The following DPP6 variants were observed in gnomAD, a reference collection of about 807,000 sequenced individuals.
DPP6 encodes dipeptidyl peptidase like 6, also known as A-type potassium channel modulatory protein DPP6.
In DPP6, 69 loss-of-function variants were observed where a neutral mutation model predicts 122.6. The ratio of observed to expected loss-of-function variants is 0.56; its 90% CI spans 0.46 to 0.69. DPP6 has a LOEUF of 0.69. DPP6 is among the 30% of genes least tolerant of loss of function. The pLI is 0.00. For synonymous variants in DPP6, 418 were observed against 433.1 expected (o/e 0.97, Z 0.43); for missense variants, 928 against 1,116.9 (o/e 0.83, Z 2.41).
chr7:154,679,264 G>A (rs58383300), intron 7 of DPP6, among the ~76,000 whole-genome samples: 1 of 152,098 alleles, frequency 6.6e-6, no homozygotes, highest in Non-Finnish European at 1.5e-5. Flanking sequence ...TCCTGAAGTC[G>A]TCAGCCCCTT....
intron 1 of DPP6, among the ~76,000 whole-genome samples, chr7:154,167,054 A>G (rs1295895899): frequency 5.4e-5 from 8 of 148,840 alleles, no homozygotes; most frequent in South Asian, 4.2e-4. Flanking sequence ...GGTGGGGGAA[A>G]TCTTTCCATG....
chr7:154,840,805 G>T (rs1177825228), intron 16 of DPP6, among the ~76,000 whole-genome samples: 1 of 152,112 alleles, frequency 6.6e-6, no homozygotes, highest in African/African-American at 2.4e-5. Flanking sequence ...GGTAGCTGGC[G>T]ATTTAGAGGC....
chr7:153,870,977 C>T, the DPP6 span, among the ~76,000 whole-genome samples: 1 of 152,192 alleles, frequency 6.6e-6, no homozygotes, highest in Non-Finnish European at 1.5e-5. Flanking sequence ...TATTGGTGAA[C>T]CTCAAATGCT....
At chr7:153,767,781 T>C in the DPP6 span, among the ~76,000 whole-genome samples, 2 of 152,210 alleles carry the variant, frequency 1.3e-5, no homozygotes, top group African/African-American at 4.8e-5. Flanking sequence ...CATTTTTAAA[T>C]GTGCATCATT....
chr7:154,102,993 A>G lies in DPP6; in HGVS notation c.243+49930A>G, dbSNP rs568682135. ...GGTAATACCCCCATTCTGAATCACA[A>G]AGGCCAGCCCCATGGGGTCAGAGGG... is the stretch of plus-strand genomic sequence containing the variant. On this transcript the variant is annotated intron_variant, in intron 1 of 25. Coordinates refer to ENST00000377770, the MANE Select transcript of DPP6 (RefSeq NM_130797.4). Among the ~76,000 whole-genome samples the G allele has an allele frequency of 1.2e-3, 176 of 150,946 alleles. 3 individuals carry two copies. The highest frequency in any genetic ancestry group is 2.9e-3 in the South Asian group (14 of 4,812).
At chr7:154,773,059 AG>A in intron 10 of DPP6, 117 bp downstream of exon 10, 1 of 1,307,586 alleles carries the variant, frequency 7.6e-7, no homozygotes. Flanking sequence ...TCCAAGAAAA[AG>A]GTACCTTTCC....
Position 154,868,075 on chromosome 7 carries a change from A to G in DPP6, c.1795A>G (p.Ile599Val). The G allele has an allele frequency of 1.9e-6, 3 of 1,606,926 alleles. No individual in the cohort carries two copies. The highest frequency in any genetic ancestry group is 1.7e-6 in the Non-Finnish European group (2 of 1,176,712). The part of the protein sequence containing the change: ...RQMPKVEYRD[I>V]EIDDYNLPMQ... ...GATGCCTAAAGTGGAATACAGGGAC[A>G]TTGAGATTGATGATTACAGTAAGTA... Residue 599 changes from isoleucine (I) to valine (V), a missense_variant, in exon 18 of 26, where the codon ATT becomes GTT. Physicochemically the swap from Ile to Val is conservative, Grantham distance 29 (BLOSUM62 3). Coordinates refer to ENST00000377770, the MANE Select transcript of DPP6 (RefSeq NM_130797.4).
the DPP6 span, among the ~76,000 whole-genome samples, chr7:153,757,149 T>G: frequency 0.024 from 3,552 of 148,860 alleles, no homozygotes; most frequent in African/African-American, 0.037. Context: ...TGTAATTTCT[T>G]GTGCATGCCC....
intron 1 of DPP6, among the ~76,000 whole-genome samples, chr7:154,323,976 C>G (rs912299231): frequency 2.0e-5 from 3 of 152,158 alleles, no homozygotes; most frequent in Non-Finnish European, 4.4e-5. Context: ...TTGTAAAATA[C>G]ACATATACGC....
At chr7:154,548,642 G>A (rs553802723) in intron 4 of DPP6, among the ~76,000 whole-genome samples, 10 of 152,108 alleles carry the variant, frequency 6.6e-5, no homozygotes, top group African/African-American at 2.2e-4. Flanking sequence ...TCCATCACAC[G>A]TATACTCTTC....
intron 16 of DPP6, among the ~76,000 whole-genome samples, chr7:154,842,695 A>G (rs1335333196): frequency 6.6e-6 from 1 of 152,234 alleles, no homozygotes; most frequent in African/African-American, 2.4e-5. Flanking sequence ...TCCAGGAACA[A>G]TATAAATTTT....
At chr7:154,841,403 C>A (rs184029573) in intron 16 of DPP6, among the ~76,000 whole-genome samples, 8 of 151,294 alleles carry the variant, frequency 5.3e-5, no homozygotes, top group Non-Finnish European at 1.0e-4. Context: ...AACTGAAATA[C>A]TAAGTTCCTT....
intron 16 of DPP6, among the ~76,000 whole-genome samples, chr7:154,813,909 T>G: frequency 6.8e-6 from 1 of 146,066 alleles, no homozygotes; most frequent in Admixed American, 7.1e-5. Context: ...AGATGGAGTT[T>G]TGTTCTTGTC....
intron 21 of DPP6, 163 bp downstream of exon 21, chr7:154,881,105 G>A: frequency 3.4e-6 from 4 of 1,179,142 alleles, no homozygotes; most frequent in Non-Finnish European, 4.5e-6. Flanking sequence ...AGCCGTGGGA[G>A]GTTTCATTTG....
intron 1 of DPP6, among the ~76,000 whole-genome samples, chr7:154,181,915 A>AT (rs1798108958): frequency 6.6e-6 from 1 of 151,956 alleles, no homozygotes; most frequent in East Asian, 2.0e-4. Flanking sequence ...CACCCAGCTA[A>AT]TTTTTTTATT....
chr7:154,132,130 T>G (rs1429352773), intron 1 of DPP6, among the ~76,000 whole-genome samples: 1 of 152,108 alleles, frequency 6.6e-6, no homozygotes, highest in African/African-American at 2.4e-5. Context: ...TTCTACCTGG[T>G]CACAATTTGT....
intron 5 of DPP6, among the ~76,000 whole-genome samples, chr7:154,568,129 A>C (rs936013804): frequency 2.0e-5 from 3 of 152,190 alleles, no homozygotes; most frequent in Admixed American, 1.3e-4. Context: ...GGGACTCTGC[A>C]TTACCTAGAC....
At chr7:154,276,233 C>T (rs1465808617) in intron 1 of DPP6, among the ~76,000 whole-genome samples, 1 of 152,112 alleles carries the variant, frequency 6.6e-6, no homozygotes, top group Non-Finnish European at 1.5e-5. Context: ...GAAAAAAAGC[C>T]ACTTTGACAT....
At chr7:154,287,673 C>G (rs1034306135) in intron 1 of DPP6, among the ~76,000 whole-genome samples, 3 of 152,190 alleles carry the variant, frequency 2.0e-5, no homozygotes, top group Non-Finnish European at 4.4e-5. Flanking sequence ...GTGGAGACGA[C>G]CAGCTCGGCC....
Sources: allele counts gnomAD v4.1 joint callset (sites outside exome capture counted in the v4.1 genomes callset), GRCh38; gene constraint gnomAD v4.1.1; transcripts MANE v1.5; gene names NCBI Gene and HGNC (gene_info 2026-07-23, HGNC 2026-07-21).